C1orf21: variants seen among roughly 807,000 people sequenced by gnomAD.
C1orf21 encodes the protein chromosome 1 open reading frame 21.
C1orf21 carries 3 observed loss-of-function variants against 18.7 expected under a neutral mutation model. That is an observed-to-expected ratio of 0.16 (90% CI 0.07 to 0.42). The LOEUF (loss-of-function observed/expected upper bound fraction) is 0.42. Among genes scored for constraint, C1orf21 ranks in the 10% least tolerant of loss-of-function variants. The probability of loss-of-function intolerance (pLI) is 0.99; values close to 1 mark genes in which losing one functional copy is unlikely to be tolerated. For synonymous variants in C1orf21, 41 were observed against 46.4 expected (o/e 0.88, Z 0.47); for missense variants, 104 against 143.6 (o/e 0.72, Z 1.41).
intron 1 of C1orf21, among the ~76,000 whole-genome samples, chr1:184,457,005 G>C (rs1404627535): frequency 2.0e-5 from 3 of 152,258 alleles, no homozygotes; most frequent in East Asian, 1.9e-4. Context: ...GAATGTATCT[G>C]GGGCAGCTTT....
intron 1 of C1orf21, among the ~76,000 whole-genome samples, chr1:184,457,711 T>C (rs532024220): frequency 6.6e-6 from 1 of 152,268 alleles, no homozygotes; most frequent in Admixed American, 6.5e-5. Context: ...TCTATTCTCT[T>C]TCCTCAGTCT....
intron 2 of C1orf21, among the ~76,000 whole-genome samples, chr1:184,479,810 A>T (rs1006798993): frequency 2.6e-5 from 4 of 151,626 alleles, no homozygotes; most frequent in Non-Finnish European, 5.9e-5. Context: ...TTTAATAGAG[A>T]TAGGGTTTTG....
intron 1 of C1orf21, among the ~76,000 whole-genome samples, chr1:184,406,262 A>G (rs928335838): frequency 1.3e-5 from 2 of 152,226 alleles, no homozygotes; most frequent in Non-Finnish European, 2.9e-5. Context: ...AATGCATGTA[A>G]AATTCATCTT....
chr1:184,540,680 C>G (rs1044718511), intron 3 of C1orf21, among the ~76,000 whole-genome samples: 3 of 152,176 alleles, frequency 2.0e-5, no homozygotes, highest in African/African-American at 7.2e-5. Flanking sequence ...ATCTGCCCAC[C>G]TTGGTCTCCC....
chr1:184,570,471 T>G (rs2101989656), intron 3 of C1orf21, among the ~76,000 whole-genome samples: 1 of 152,258 alleles, frequency 6.6e-6, no homozygotes, highest in South Asian at 2.1e-4. Context: ...TACCCCTATA[T>G]CTCAGGCAGG....
intron 1 of C1orf21, among the ~76,000 whole-genome samples, chr1:184,422,218 G>A (rs1044875000): frequency 4.6e-5 from 7 of 152,102 alleles, no homozygotes; most frequent in Non-Finnish European, 7.4e-5. Flanking sequence ...ATCCTCTCCC[G>A]CTCATTTCCC....
At chr1:184,607,487 C>T (rs1387927931) in intron 5 of C1orf21, among the ~76,000 whole-genome samples, 1 of 151,760 alleles carries the variant, frequency 6.6e-6, no homozygotes, top group Non-Finnish European at 1.5e-5. Flanking sequence ...ATTCAACAGC[C>T]AAAAAACTGG....
intron 1 of C1orf21, among the ~76,000 whole-genome samples, chr1:184,444,140 C>T (rs192551397): frequency 1.6e-4 from 25 of 152,302 alleles, no homozygotes; most frequent in African/African-American, 6.0e-4. Context: ...TCAGCCTCTG[C>T]AAAGGAAGAT....
intron 1 of C1orf21, among the ~76,000 whole-genome samples, chr1:184,467,029 A>G (rs537845098): frequency 6.6e-6 from 1 of 152,314 alleles, no homozygotes; most frequent in South Asian, 2.1e-4. Context: ...TTTAGGGAGT[A>G]TATACTAAAC....
chr1:184,506,967 G>C (rs922931162), intron 2 of C1orf21, among the ~76,000 whole-genome samples: 1 of 150,774 alleles, frequency 6.6e-6, no homozygotes, highest in Admixed American at 6.6e-5. Flanking sequence ...GAATTAAAGT[G>C]TATATATACA....
intron 1 of C1orf21, among the ~76,000 whole-genome samples, chr1:184,476,764 AG>A (rs1487990180): frequency 6.6e-6 from 1 of 152,210 alleles, no homozygotes; most frequent in African/African-American, 2.4e-5. Flanking sequence ...AATGGACAGA[AG>A]TAAGTTTTAG....
intron 5 of C1orf21, among the ~76,000 whole-genome samples, chr1:184,600,798 T>C (rs897776712): frequency 1.3e-5 from 2 of 152,204 alleles, no homozygotes; most frequent in African/African-American, 2.4e-5. Context: ...TTCTCTCCTC[T>C]CTGAGCCATG....
intron 3 of C1orf21, among the ~76,000 whole-genome samples, chr1:184,586,016 T>C (rs1158040096): frequency 1.3e-5 from 2 of 152,214 alleles, no homozygotes; most frequent in Middle Eastern, 3.2e-3. Context: ...ATGGTAGTTC[T>C]ATTTTTAGAT....
At chr1:184,432,175 T>A (rs1656776043) in intron 1 of C1orf21, among the ~76,000 whole-genome samples, 1 of 152,250 alleles carries the variant, frequency 6.6e-6, no homozygotes, top group Non-Finnish European at 1.5e-5. Flanking sequence ...TTACTGGGTG[T>A]ATACCCAAAG....
At chr1:184,476,091 G>A (rs1176524727) in intron 1 of C1orf21, among the ~76,000 whole-genome samples, 2 of 152,102 alleles carry the variant, frequency 1.3e-5, no homozygotes, top group African/African-American at 4.8e-5. Context: ...GATCGATTAT[G>A]TTAATTTGAA....
intron 2 of C1orf21, among the ~76,000 whole-genome samples, chr1:184,483,027 AT>A (rs2101992934): frequency 6.6e-6 from 1 of 152,318 alleles, no homozygotes; most frequent in East Asian, 1.9e-4. Flanking sequence ...CACCAGTGAT[AT>A]TTACTTACAT....
intron 2 of C1orf21, among the ~76,000 whole-genome samples, chr1:184,487,149 G>GA (rs11449611): frequency 0.62 from 93,883 of 152,068 alleles, 31,248 homozygotes; most frequent in African/African-American, 0.89. Flanking sequence ...TGACACTACA[G>GA]ATTCAGACAT....
At chr1:184,556,564 C>T (rs1658882907) in intron 3 of C1orf21, among the ~76,000 whole-genome samples, 1 of 152,124 alleles carries the variant, frequency 6.6e-6, no homozygotes, top group Non-Finnish European at 1.5e-5. Flanking sequence ...CCATTGTGAC[C>T]ACTGCCCATT....
chr1:184,492,341 A>G (rs566209324), intron 2 of C1orf21, among the ~76,000 whole-genome samples: 1 of 152,248 alleles, frequency 6.6e-6, no homozygotes, highest in South Asian at 2.1e-4. Flanking sequence ...TTGAGTGCTA[A>G]TGTTCAAAGG....
Sources: allele counts gnomAD v4.1 joint callset (sites outside exome capture counted in the v4.1 genomes callset), GRCh38; gene constraint gnomAD v4.1.1; transcripts MANE v1.5; gene names NCBI Gene and HGNC (gene_info 2026-07-23, HGNC 2026-07-21).